COL5A1: variants seen among roughly 807,000 people sequenced by gnomAD.
COL5A1 encodes collagen type V alpha 1 chain, also known as collagen alpha-1(V) chain.
Under a neutral mutation model 263.7 loss-of-function variants are expected in COL5A1, and 16 were observed. The observed-to-expected ratio is 0.06, with a 90% CI of 0.04 to 0.09. The LOEUF is 0.09. Among genes scored for constraint, COL5A1 ranks in the 10% least tolerant of loss-of-function variants. The pLI is 1.00. For synonymous variants in COL5A1, 1,012 were observed against 1,004.5 expected (o/e 1.01, Z -0.14); for missense variants, 2,036 against 2,540.5 (o/e 0.80, Z 4.27).
Position 134,691,098 on chromosome 9 carries a change from T to G in COL5A1, c.277+19T>G. 2 of 1,611,914 alleles carry G rather than the reference T, an allele frequency of 1.2e-6. No individual in the cohort carries two copies. Among genetic ancestry groups the G allele is most frequent in the Non-Finnish European group, 1.7e-6 (2 of 1,179,986 alleles). On this transcript the variant is annotated intron_variant, in intron 2 of 65. Coordinates refer to ENST00000371817, the MANE Select transcript of COL5A1 (RefSeq NM_000093.5). ...TACCCTGGTAAGTGCCGCACCCTTCTGTTTGGGGCGGTGGGTCCCGTTGGC... is the reference window on the plus strand; with the variant it reads ...TACCCTGGTAAGTGCCGCACCCTTCGGTTTGGGGCGGTGGGTCCCGTTGGC...
At chr9:134,813,863 G>A (rs535734886) in intron 48 of COL5A1, 120 bp from the exon 49 acceptor site, 349 of 1,074,320 alleles carry the variant, frequency 3.2e-4, no homozygotes, top group Middle Eastern at 1.4e-3. Flanking sequence ...AGAAACCCCT[G>A]GGTCCTGGGT....
intron 11 of COL5A1, among the ~76,000 whole-genome samples, chr9:134,744,654 T>C (rs556328085): frequency 6.8e-6 from 1 of 147,870 alleles, no homozygotes; most frequent in South Asian, 2.1e-4. Context: ...TGCACACAGG[T>C]ACGCTCACAC....
intron 65 of COL5A1, among the ~76,000 whole-genome samples, chr9:134,839,056 G>A (rs1395449973): frequency 6.6e-6 from 1 of 152,224 alleles, no homozygotes; most frequent in Admixed American, 6.5e-5. Flanking sequence ...TCGGGCCAGC[G>A]GCAAAAGCCC....
chr9:134,707,246 T>G (rs2132586789), intron 4 of COL5A1, among the ~76,000 whole-genome samples: 1 of 152,298 alleles, frequency 6.6e-6, no homozygotes, highest in Non-Finnish European at 1.5e-5. Flanking sequence ...GTTGAAGGTT[T>G]CAAGGGGCAA....
chr9:134,705,662 C>T (rs1156742387), intron 4 of COL5A1, among the ~76,000 whole-genome samples: 5 of 152,170 alleles, frequency 3.3e-5, no homozygotes, highest in African/African-American at 4.8e-5. Flanking sequence ...CTCCAAGGGC[C>T]GCAGGGAACC....
At chr9:134,737,218 A>G (rs1326867467) in intron 9 of COL5A1, among the ~76,000 whole-genome samples, 1 of 152,234 alleles carries the variant, frequency 6.6e-6, no homozygotes, top group Admixed American at 6.5e-5. Flanking sequence ...GGAGGGCGCC[A>G]TGGCCGCAGT....
chr9:134,759,346 ACACC>A (rs1440962351), intron 18 of COL5A1, among the ~76,000 whole-genome samples: 1 of 138,584 alleles, frequency 7.2e-6, no homozygotes, highest in Non-Finnish European at 1.5e-5. Flanking sequence ...GCACACACAC[ACACC>A]CACATTCATA....
At chr9:134,698,589 G>A (rs1471911161) in intron 2 of COL5A1, among the ~76,000 whole-genome samples, 3 of 152,218 alleles carry the variant, frequency 2.0e-5, no homozygotes, top group Non-Finnish European at 4.4e-5. Context: ...TGTGGGACGA[G>A]GGGGCCTTCA....
At chr9:134,759,738 A>G (rs1313512909) in intron 18 of COL5A1, among the ~76,000 whole-genome samples, 1 of 62,330 alleles carries the variant, frequency 1.6e-5, no homozygotes. Context: ...ACTCATACAC[A>G]CACACCACAC....
intron 1 of COL5A1, among the ~76,000 whole-genome samples, chr9:134,684,024 C>T (rs555856929): frequency 3.6e-4 from 55 of 152,310 alleles, no homozygotes; most frequent in African/African-American, 1.3e-3. Context: ...TGGCCCCAGA[C>T]CTCCACTCTC....
At position 134,805,082 on chromosome 9, in the gene COL5A1, CG is replaced by C. The variant is rs1005968628; in HGVS notation, c.3204+22del. ...GTCCAGTGGTGAGTGAGAGGCCAGG[CG>C]GGGAATGAAATGGGACAGGTGCAGC... On this transcript the variant is annotated intron_variant, in intron 40 of 65. Coordinates refer to ENST00000371817, the MANE Select transcript of COL5A1 (RefSeq NM_000093.5). 1.9e-6 allele frequency: 3 copies of C among 1,613,470 alleles called. No homozygotes were observed. The highest frequency in any genetic ancestry group is 2.5e-6 in the Non-Finnish European group (3 of 1,179,570).
At chr9:134,760,828 A>C (rs1241244474) in intron 18 of COL5A1, among the ~76,000 whole-genome samples, 3 of 144,650 alleles carry the variant, frequency 2.1e-5, no homozygotes, top group Admixed American at 6.9e-5. Context: ...ATGCATACAC[A>C]CATGCACACA....
chr9:134,665,452 C>T (rs1023824024), intron 1 of COL5A1, among the ~76,000 whole-genome samples: 2 of 152,168 alleles, frequency 1.3e-5, no homozygotes, highest in African/African-American at 4.8e-5. Context: ...GAAGAATGTT[C>T]GTCGTAATGG....
chr9:134,665,284 T>C (rs2132503811), intron 1 of COL5A1, among the ~76,000 whole-genome samples: 1 of 152,284 alleles, frequency 6.6e-6, no homozygotes, highest in Middle Eastern at 3.4e-3. Flanking sequence ...GATATACGTG[T>C]GTGTGGAGAA....
chr9:134,705,930 C>T (rs946562529), intron 4 of COL5A1, among the ~76,000 whole-genome samples: 2 of 152,244 alleles, frequency 1.3e-5, no homozygotes, highest in African/African-American at 2.4e-5. Context: ...GTCCCGCCAG[C>T]CCCAGCTAGG....
intron 1 of COL5A1, among the ~76,000 whole-genome samples, chr9:134,683,099 G>A (rs1460226555): frequency 2.6e-5 from 4 of 152,208 alleles, no homozygotes; most frequent in Non-Finnish European, 5.9e-5. Flanking sequence ...TGTGAGGGCC[G>A]CCATGAGACG....
chr9:134,761,417 T>C (rs74807821), intron 18 of COL5A1, among the ~76,000 whole-genome samples: 9,087 of 152,314 alleles, frequency 0.06, 375 homozygotes, highest in Non-Finnish European at 0.089. Context: ...TATCCAAAGC[T>C]GCTACATGTA....
At position 134,652,786 on chromosome 9, in the gene COL5A1, G is replaced by T; in HGVS notation, c.109+10490G>T. 2.1e-6 allele frequency: 1 copy of T among 467,242 alleles called. No homozygotes were observed. The highest frequency in any genetic ancestry group is 1.6e-5 in the South Asian group (1 of 64,188). The allele number at this position is 467,242 out of a possible 1,614,324, so 28.9% of individuals were successfully genotyped here. ...GCCGGGTCCAGCGTTTCTCCTCATG[G>T]TGTAGACCAGCAGTTCCCAAACTTT... On this transcript the variant is annotated intron_variant, in intron 1 of 65. Transcript: ENST00000371817. The surrounding 1 kb of genome is among the most constrained non-coding windows in gnomAD (Gnocchi z 4.4).
rs142114921 is a variant in COL5A1 at position 134,699,998 on chromosome 9, C to G, written c.367C>G (p.Gln123Glu). Residue 123 changes from glutamine (Q) to glutamate (E), a missense_variant, in exon 3 of 66, where the codon CAG becomes GAG. Gln to Glu is a conservative substitution (Grantham distance 29). This residue lies in a region of COL5A1 where 600 missense variants were observed against 634.5 expected (regional missense o/e 0.95). Transcript: ENST00000371817. ...CTTCCTGGTCTCCATCTACAACGAG[C>G]AGGGTATCCAGCAGATTGGGCTGGA... is the stretch of plus-strand genomic sequence containing the variant. ...QAFLVSIYNE[Q>E]GIQQIGLELG... 4.1e-4 allele frequency: 665 copies of G among 1,613,732 alleles called. 1 individual carries two copies. Among genetic ancestry groups the G allele is most frequent in the Non-Finnish European group, 5.4e-4 (632 of 1,180,050 alleles).
Sources: allele counts gnomAD v4.1 joint callset (sites outside exome capture counted in the v4.1 genomes callset), GRCh38; gene constraint gnomAD v4.1.1; regional missense constraint gnomAD v4.1.1; non-coding constraint Gnocchi (gnomAD v3.1); transcripts MANE v1.5; gene names NCBI Gene and HGNC (gene_info 2026-07-23, HGNC 2026-07-21).